SPAG17: variants seen among roughly 807,000 people sequenced by gnomAD.
The protein encoded by SPAG17 is sperm-associated antigen 17.
Under a neutral mutation model 273.6 loss-of-function variants are expected in SPAG17, and 169 were observed. The ratio of observed to expected loss-of-function variants is 0.62; its 90% CI spans 0.55 to 0.70. The LOEUF (loss-of-function observed/expected upper bound fraction) is 0.70. Among genes scored for constraint, SPAG17 ranks in the 30% least tolerant of loss-of-function variants. The pLI is 0.00. For missense variants in SPAG17, 2,557 were observed against 2,627.8 expected, an observed-to-expected ratio of 0.97 and a Z score of 0.59; for synonymous variants, 825 against 873.2, an observed-to-expected ratio of 0.94 and a Z score of 0.97.
intron 24 of SPAG17, among the ~76,000 whole-genome samples, chr1:118,035,263 AAC>A (rs1360448926): frequency 6.6e-6 from 1 of 152,212 alleles, no homozygotes; most frequent in Non-Finnish European, 1.5e-5. Flanking sequence ...TGAAATTAGG[AAC>A]ATCTGTTTAA....
intron 1 of SPAG17, among the ~76,000 whole-genome samples, chr1:118,156,357 G>A (rs1040001996): frequency 6.6e-6 from 1 of 152,210 alleles, no homozygotes; most frequent in Non-Finnish European, 1.5e-5. Flanking sequence ...CAAAGCAACA[G>A]GGAGTACATT....
chr1:117,998,082 T>C (rs1657858273), intron 32 of SPAG17, among the ~76,000 whole-genome samples: 1 of 152,138 alleles, frequency 6.6e-6, no homozygotes, highest in African/African-American at 2.4e-5. Flanking sequence ...TGTCAGTTTT[T>C]GCTTTTGTTG....
chr1:117,955,258 A>G, intron 48 of SPAG17: 4 of 1,454,586 alleles, frequency 2.7e-6, no homozygotes, highest in Non-Finnish European at 3.8e-6. Context: ...GAAATTAGAG[A>G]ACTTTAGTAG....
At chr1:118,065,821 C>T (rs1019205040) in intron 18 of SPAG17, among the ~76,000 whole-genome samples, 2 of 151,280 alleles carry the variant, frequency 1.3e-5, no homozygotes, top group Non-Finnish European at 1.5e-5. Flanking sequence ...TACATAAATC[C>T]TAGAGCAAAA....
intron 27 of SPAG17, 116 bp downstream of exon 27, chr1:118,025,122 G>A: frequency 1.3e-6 from 1 of 770,964 alleles, no homozygotes; most frequent in Non-Finnish European, 2.0e-6. Context: ...ATTTGAAGGT[G>A]TCATTCCTTT....
intron 1 of SPAG17, among the ~76,000 whole-genome samples, chr1:118,180,152 T>C (rs1286385969): frequency 6.6e-6 from 1 of 152,026 alleles, no homozygotes; most frequent in Non-Finnish European, 1.5e-5. Flanking sequence ...TCCATGTTTA[T>C]TGCAGCAGTA....
At chr1:118,017,379 G>C (rs1375391556) in intron 28 of SPAG17, among the ~76,000 whole-genome samples, 1 of 151,984 alleles carries the variant, frequency 6.6e-6, no homozygotes, top group African/African-American at 2.4e-5. Flanking sequence ...AAATACAATG[G>C]GGTAAAGAAT....
chr1:118,169,337 A>G (rs1368314358), intron 1 of SPAG17, among the ~76,000 whole-genome samples: 1 of 152,208 alleles, frequency 6.6e-6, no homozygotes, highest in African/African-American at 2.4e-5. Context: ...GGCTTTCATT[A>G]AAACAACCTT....
At chr1:118,062,340 C>T in intron 18 of SPAG17, among the ~76,000 whole-genome samples, 1 of 113,660 alleles carries the variant, frequency 8.8e-6, no homozygotes, top group African/African-American at 3.7e-5. Context: ...GCACTCCAGC[C>T]TGGGCGACAG....
intron 17 of SPAG17, among the ~76,000 whole-genome samples, chr1:118,071,039 A>G (rs1653531450): frequency 1.3e-5 from 2 of 152,002 alleles, no homozygotes. Flanking sequence ...TTCATGGAGA[A>G]TTTAAATGGC....
intron 3 of SPAG17, among the ~76,000 whole-genome samples, chr1:118,128,510 G>C (rs1021793225): frequency 6.6e-6 from 1 of 152,128 alleles, no homozygotes; most frequent in South Asian, 2.1e-4. Context: ...GTATTTCCCT[G>C]CTTCGTAGAA....
At chr1:117,986,570 A>C (rs1019657395) in intron 40 of SPAG17, among the ~76,000 whole-genome samples, 1 of 152,214 alleles carries the variant, frequency 6.6e-6, no homozygotes, top group African/African-American at 2.4e-5. Flanking sequence ...AAAATTTAAA[A>C]AGTTTGTATA....
At chr1:118,146,799 T>A (rs540835594) in intron 3 of SPAG17, among the ~76,000 whole-genome samples, 2 of 152,204 alleles carry the variant, frequency 1.3e-5, no homozygotes, top group Non-Finnish European at 2.9e-5. Context: ...CTTCCTACCT[T>A]CTCTATGCCT....
chr1:118,069,788 T>C (rs1316601872), intron 17 of SPAG17, among the ~76,000 whole-genome samples: 2 of 152,144 alleles, frequency 1.3e-5, no homozygotes, highest in East Asian at 1.9e-4. Flanking sequence ...GGCACTTCCA[T>C]ATTAGATGCT....
chr1:118,025,438 C>A, intron 26 of SPAG17, 22 bp from the exon 27 acceptor site: 1 of 1,495,742 alleles, frequency 6.7e-7, no homozygotes, highest in Non-Finnish European at 8.9e-7. Context: ...ATAAAGCCTT[C>A]TTGTGAACTG....
At position 118,057,315 on chromosome 1, in the gene SPAG17, T is replaced by C. The variant is rs533887200; in HGVS notation, c.2541-1401A>G. Among the ~76,000 whole-genome samples, 12 of 152,344 alleles carry C rather than the reference T, an allele frequency of 7.9e-5. No individual in the cohort carries two copies. In the South Asian group the frequency reaches 1.5e-3, roughly 18 times the overall value. ...CATTACCATCTCTTGCTAGGATTTC[T>C]GCAATAGCCTCCAACTGGTTTCCCT... On this transcript the variant is annotated intron_variant, in intron 18 of 48. Transcript: ENST00000336338.
At chr1:118,121,338 G>A (rs543766560) in intron 3 of SPAG17, among the ~76,000 whole-genome samples, 2 of 152,234 alleles carry the variant, frequency 1.3e-5, no homozygotes, top group East Asian at 3.9e-4. Context: ...TGCCTGTATA[G>A]GTGTGTGGGC....
intron 30 of SPAG17, among the ~76,000 whole-genome samples, chr1:118,009,463 A>C (rs1179566996): frequency 6.6e-6 from 1 of 152,180 alleles, no homozygotes; most frequent in African/African-American, 2.4e-5. Flanking sequence ...AAGGTTCAGA[A>C]GAGTGGAAGG....
chr1:118,099,746 T>A lies in SPAG17; in HGVS notation c.689A>T (p.Asn230Ile). The A allele has an allele frequency of 3.1e-6, 5 of 1,613,452 alleles. No individual in the cohort carries two copies. The highest frequency in any genetic ancestry group is 4.2e-6 in the Non-Finnish European group (5 of 1,179,894). Reference sequence around the variant, plus strand: ...AGCCATAATTGCTAATAGCTGAGGATTGTTAAAGCCCACAACTATAATGTA... The same window carrying A: ...AGCCATAATTGCTAATAGCTGAGGAATGTTAAAGCCCACAACTATAATGTA... ...QHYIIVVGFN[N>I]PQLLAIMAEL... Residue 230 changes from asparagine (N) to isoleucine (I), a missense_variant, in exon 6 of 49, where the codon AAT (asparagine) becomes ATT (isoleucine). Transcript: ENST00000336338.
Sources: allele counts gnomAD v4.1 joint callset (sites outside exome capture counted in the v4.1 genomes callset), GRCh38; gene constraint gnomAD v4.1.1; transcripts MANE v1.5; gene names NCBI Gene and HGNC (gene_info 2026-07-23, HGNC 2026-07-21).